The following CD99 variants were observed in gnomAD, a reference collection of about 807,000 sequenced individuals.
The protein encoded by CD99 is CD99 molecule (Xg blood group).
A neutral mutation model predicts 28.4 loss-of-function variants in CD99; 19 were observed. The observed-to-expected ratio is 0.67, with a 90% CI of 0.47 to 0.98. CD99 has a LOEUF of 0.98. Ranked by LOEUF, CD99 falls within the 50% of genes least tolerant of loss-of-function variation. CD99 has a pLI of 0.00. For missense variants in CD99, 283 were observed against 248.8 expected (o/e 1.14, Z -0.92); for synonymous variants, 103 against 92.1 (o/e 1.12, Z -0.67).
Position 2,741,057 on chromosome X carries a change from G to T in CD99, c.*253G>T. 1 of 555,314 alleles carries T rather than the reference G, an allele frequency of 1.8e-6. No individual in the cohort carries two copies. Among genetic ancestry groups the T allele is most frequent in the Non-Finnish European group, 3.2e-6 (1 of 310,244 alleles). The allele number at this position is 555,314 out of a possible 1,614,324, so 34.4% of individuals were successfully genotyped here. A position where few individuals can be genotyped will look rare whatever the true frequency, so the allele number is the denominator to read the frequency against. ...AAGGCCCGGGGGGGCGGTTTCCCAT[G>T]GGATGTGAAAGGCTGGCCATTATTA... On this transcript the variant is annotated 3_prime_UTR_variant, in exon 10 of 10. Transcript: ENST00000381192.
intron 1 of CD99, among the ~76,000 whole-genome samples, chrX:2,700,532 C>CCATT (rs1311381226): frequency 1.3e-5 from 2 of 151,898 alleles, no homozygotes; most frequent in Admixed American, 6.6e-5. Flanking sequence ...ATGCATCCAT[C>CCATT]CATCCATGCG....
intron 1 of CD99, among the ~76,000 whole-genome samples, chrX:2,696,333 A>G (rs1009464350): frequency 7.2e-4 from 110 of 152,326 alleles, no homozygotes; most frequent in Admixed American, 1.3e-3. Flanking sequence ...ATGTGGGCTC[A>G]TCGTTGCTGG....
At position 2,727,119 on chromosome X, in the gene CD99, AGAGT is replaced by A. The variant is rs1179643364; in HGVS notation, c.475+750_475+753del. Among the ~76,000 whole-genome samples, 11 of 152,344 alleles carry A rather than the reference AGAGT, an allele frequency of 7.2e-5. No individual in the cohort carries two copies. In the East Asian group the frequency reaches 2.1e-3, roughly 29 times the overall value. ...GTGACTGCACTCCAGCCTGGGCGACAGAGTGAGACTCCGTCTCAAAAAACAAAAC... is the reference window on the plus strand; with the variant it reads ...GTGACTGCACTCCAGCCTGGGCGACAGAGACTCCGTCTCAAAAAACAAAAC... On this transcript the variant is annotated intron_variant, in intron 8 of 9. Transcript: ENST00000381192.
intron 1 of CD99, among the ~76,000 whole-genome samples, chrX:2,700,280 A>G (rs1248128510): frequency 6.6e-6 from 1 of 152,124 alleles, no homozygotes; most frequent in Admixed American, 6.5e-5. Flanking sequence ...CTGGTGGTGA[A>G]CTTAGACCAG....
intron 1 of CD99, among the ~76,000 whole-genome samples, chrX:2,697,946 T>C (rs311037): frequency 0.66 from 99,886 of 151,072 alleles, 33,921 homozygotes; most frequent in South Asian, 0.79. Context: ...GATATGAACA[T>C]CTGTCTTTTG....
At chrX:2,706,195 T>TA (rs1211561576) in intron 1 of CD99, among the ~76,000 whole-genome samples, 3 of 151,276 alleles carry the variant, frequency 2.0e-5, no homozygotes, top group South Asian at 4.2e-4. Context: ...CAGTCTCTAC[T>TA]AAAAATACAA....
intron 1 of CD99, chrX:2,691,809 A>G: frequency 2.6e-6 from 2 of 775,540 alleles, no homozygotes; most frequent in South Asian, 2.7e-5. Context: ...CTGCGTCTTC[A>G]GGCCGCGCGC....
At chrX:2,736,020 G>A (rs921104437) in intron 8 of CD99, among the ~76,000 whole-genome samples, 39 of 151,888 alleles carry the variant, frequency 2.6e-4, no homozygotes, top group Non-Finnish European at 4.4e-4. Flanking sequence ...GGCTAACATG[G>A]TGAAACCCCG....
At chrX:2,736,005 A>C (rs2049913403) in intron 8 of CD99, among the ~76,000 whole-genome samples, 1 of 152,056 alleles carries the variant, frequency 6.6e-6, no homozygotes, top group African/African-American at 2.4e-5. Flanking sequence ...GATCGAGACC[A>C]TCCTGGCTAA....
In CD99 at chrX:2,734,065, C is replaced by T. The variant is rs182838064; in HGVS notation, c.476-4135C>T. 3.8e-3 allele frequency among the ~76,000 whole-genome samples: 574 copies of T among 152,250 alleles called. 6 individuals carry two copies. The highest frequency in any genetic ancestry group is 0.011 in the African/African-American group (474 of 41,550). On this transcript the variant is annotated intron_variant, in intron 8 of 9. Coordinates refer to ENST00000381192, the MANE Select transcript of CD99 (RefSeq NM_002414.5). ...CACACATTTGAGCACGGAGCCTCTGCGGCCGTCTTCCTTGGATTCTCTCAT... is the reference window on the plus strand; with the variant it reads ...CACACATTTGAGCACGGAGCCTCTGTGGCCGTCTTCCTTGGATTCTCTCAT...
At chrX:2,691,671 T>TA (rs1569421343) in intron 1 of CD99, 3 of 704,094 alleles carry the variant, frequency 4.3e-6, no homozygotes, top group East Asian at 5.4e-5. Context: ...TGCAAACTCT[T>TA]ACATGTGGGG....
chrX:2,718,369 CTTT>C (rs750689789), intron 3 of CD99, among the ~76,000 whole-genome samples: 4 of 136,900 alleles, frequency 2.9e-5, no homozygotes, highest in African/African-American at 2.7e-5. Context: ...TTCTTTCTTT[CTTT>C]TTTTTTTTTT....
chrX:2,698,237 G>A (rs1441265948), intron 1 of CD99, among the ~76,000 whole-genome samples: 2 of 134,202 alleles, frequency 1.5e-5, no homozygotes, highest in Non-Finnish European at 3.1e-5. Flanking sequence ...TGGCACGATT[G>A]TAGCTCACTG....
At chrX:2,694,985 G>C (rs890980761) in intron 1 of CD99, among the ~76,000 whole-genome samples, 5 of 152,132 alleles carry the variant, frequency 3.3e-5, no homozygotes, top group African/African-American at 7.2e-5. Context: ...AGGAATCATG[G>C]CGGGATTTCA....
At chrX:2,735,984 C>T (rs768126872) in intron 8 of CD99, among the ~76,000 whole-genome samples, 6 of 152,024 alleles carry the variant, frequency 3.9e-5, no homozygotes, top group Admixed American at 3.3e-4. Context: ...GGGCAGATCA[C>T]GAAGTCAGGA....
intron 3 of CD99, chrX:2,719,417 G>C: frequency 1.8e-6 from 1 of 544,662 alleles, no homozygotes; most frequent in Non-Finnish European, 3.3e-6. Context: ...CCTCTCCTCT[G>C]AGAGCTTCTC....
intron 1 of CD99, among the ~76,000 whole-genome samples, chrX:2,701,656 G>A (rs2047870020): frequency 6.6e-6 from 1 of 152,244 alleles, no homozygotes; most frequent in African/African-American, 2.4e-5. Flanking sequence ...CAGACTAGAG[G>A]AGCTGCAGGG....
chrX:2,718,602 CT>C (rs1784665601), intron 3 of CD99, among the ~76,000 whole-genome samples: 1 of 152,132 alleles, frequency 6.6e-6, no homozygotes, highest in Admixed American at 6.5e-5. Flanking sequence ...ATCTCCTGAC[CT>C]TGTGATCCAC....
chrX:2,702,515 A>G (rs1316921858), intron 1 of CD99, among the ~76,000 whole-genome samples: 1 of 152,210 alleles, frequency 6.6e-6, no homozygotes, highest in Admixed American at 6.5e-5. Context: ...GTGATTCTGT[A>G]TTTGTGACTT....
Sources: allele counts gnomAD v4.1 joint callset (sites outside exome capture counted in the v4.1 genomes callset), GRCh38; gene constraint gnomAD v4.1.1; transcripts MANE v1.5; gene names NCBI Gene and HGNC (gene_info 2026-07-23, HGNC 2026-07-21).